Variants in RBFOX1 observed in about 807,000 individuals in gnomAD.
RBFOX1 encodes RNA binding protein fox-1 homolog 1.
RBFOX1 carries 8 observed loss-of-function variants against 57.7 expected under a neutral mutation model. That is an observed-to-expected ratio of 0.14 (90% CI 0.08 to 0.25). The LOEUF is 0.25. RBFOX1 is among the 10% of genes least tolerant of loss of function. The probability of loss-of-function intolerance (pLI) is 1.00; values close to 1 mark genes in which losing one functional copy is unlikely to be tolerated. For missense variants in RBFOX1, 611 were observed against 548.5 expected (o/e 1.11, Z -1.14); for synonymous variants, 326 against 222.4 (o/e 1.47, Z -4.15).
chr16:7,458,066 C>T (rs900548757), intron 4 of RBFOX1, among the ~76,000 whole-genome samples: 1 of 152,130 alleles, frequency 6.6e-6, no homozygotes, highest in South Asian at 2.1e-4. Context: ...GGACATACTT[C>T]CTGATTCACC....
chr16:6,408,212 C>G (rs2093350602), intron 2 of RBFOX1, among the ~76,000 whole-genome samples: 1 of 152,100 alleles, frequency 6.6e-6, no homozygotes, highest in Non-Finnish European at 1.5e-5. Flanking sequence ...TATCACAGCT[C>G]AGGCAGACAA....
intron 5 of RBFOX1, among the ~76,000 whole-genome samples, chr16:7,540,616 A>G (rs950765440): frequency 3.3e-5 from 5 of 152,184 alleles, no homozygotes; most frequent in African/African-American, 1.2e-4. Context: ...GGTTGTTGTC[A>G]TGGACATAAA....
intron 1 of RBFOX1, among the ~76,000 whole-genome samples, chr16:6,262,770 T>G (rs1368221110): frequency 3.3e-5 from 5 of 152,162 alleles, no homozygotes; most frequent in Admixed American, 2.0e-4. Flanking sequence ...TCATCTTTGA[T>G]TTTCCTTGCA....
intron 3 of RBFOX1, among the ~76,000 whole-genome samples, chr16:6,668,437 C>T (rs778591279): frequency 1.3e-5 from 2 of 152,188 alleles, no homozygotes; most frequent in African/African-American, 4.8e-5. Flanking sequence ...AAAGATGCTT[C>T]TGTTCTTAGG....
intron 3 of RBFOX1, among the ~76,000 whole-genome samples, chr16:6,979,251 G>T (rs189100526): frequency 6.6e-6 from 1 of 152,136 alleles, no homozygotes; most frequent in African/African-American, 2.4e-5. Flanking sequence ...GAAAAATACA[G>T]TTAAATAGTA....
chr16:6,190,338 G>A (rs1475959770), intron 1 of RBFOX1, among the ~76,000 whole-genome samples: 4 of 152,126 alleles, frequency 2.6e-5, no homozygotes, highest in Admixed American at 6.6e-5. Context: ...TCCTATAGAC[G>A]TTGTTCTGTA....
intron 4 of RBFOX1, among the ~76,000 whole-genome samples, chr16:7,402,736 T>A (rs907966117): frequency 6.6e-6 from 1 of 152,164 alleles, no homozygotes; most frequent in African/African-American, 2.4e-5. Flanking sequence ...AACGTGACTT[T>A]GAGAAGAAGG....
At chr16:6,187,707 C>T (rs1033977276) in intron 1 of RBFOX1, among the ~76,000 whole-genome samples, 6 of 152,026 alleles carry the variant, frequency 3.9e-5, no homozygotes, top group Admixed American at 2.0e-4. Context: ...AAAAATGCAC[C>T]TTACTTGGTA....
At chr16:6,503,688 A>G (rs1001491864) in intron 2 of RBFOX1, among the ~76,000 whole-genome samples, 15 of 152,170 alleles carry the variant, frequency 9.9e-5, no homozygotes, top group African/African-American at 3.1e-4. Context: ...ACTGAGGAGC[A>G]TCTTTCATCC....
intron 1 of RBFOX1, among the ~76,000 whole-genome samples, chr16:5,371,298 G>T (rs960429832): frequency 6.6e-6 from 1 of 152,186 alleles, no homozygotes; most frequent in Non-Finnish European, 1.5e-5. Flanking sequence ...CCCTTAAGAA[G>T]GGCCCTCATC....
chr16:6,901,164 C>G (rs1045509633), intron 3 of RBFOX1, among the ~76,000 whole-genome samples: 3 of 152,114 alleles, frequency 2.0e-5, no homozygotes, highest in African/African-American at 7.2e-5. Context: ...GTCTCCCATC[C>G]TAGTGTCTAA....
chr16:6,088,633 C>G (rs1449502623), intron 1 of RBFOX1, among the ~76,000 whole-genome samples: 5 of 152,050 alleles, frequency 3.3e-5, no homozygotes, highest in Non-Finnish European at 7.4e-5. Flanking sequence ...TGGTGGAATG[C>G]TTTCCTTCTG....
At chr16:7,192,718 A>G (rs1299368827) in intron 4 of RBFOX1, among the ~76,000 whole-genome samples, 1 of 152,222 alleles carries the variant, frequency 6.6e-6, no homozygotes, top group Non-Finnish European at 1.5e-5. Context: ...AAACATTAGG[A>G]GTGACTGGGT....
rs550900760 is a variant in RBFOX1 at position 6,317,044 on chromosome 16, G to T, written c.-77G>T. 2 of 1,535,058 alleles carry T rather than the reference G, an allele frequency of 1.3e-6. No homozygotes were observed. The highest frequency in any genetic ancestry group is 1.7e-6 in the Non-Finnish European group (2 of 1,146,248). On this transcript the variant is annotated 5_prime_UTR_variant, in exon 2 of 16. It introduces an in-frame stop codon into an upstream open reading frame of the 5' UTR. Coordinates refer to ENST00000550418, the MANE Select transcript of RBFOX1 (RefSeq NM_018723.4). ...AGTGGAACTTACAGCTTCCTTGATC[G>T]GACTCAGCATTCAGTAAGTGCAACC...
chr16:7,685,942 G>T (rs777203907), intron 14 of RBFOX1, among the ~76,000 whole-genome samples: 6 of 152,052 alleles, frequency 3.9e-5, no homozygotes, highest in Non-Finnish European at 7.4e-5. Flanking sequence ...CGTGGGTCCT[G>T]AATCTCTGTG....
rs548788162 is a variant in RBFOX1, at chr16:5,407,449, G to C, written c.220-59767G>C. Among the ~76,000 whole-genome samples, 4 of 152,266 alleles carry C rather than the reference G, an allele frequency of 2.6e-5. 1 individual carries two copies. The highest frequency in any genetic ancestry group is 9.6e-5 in the African/African-American group (4 of 41,552). On this transcript the variant is annotated intron_variant, in intron 1 of 2. Transcript: ENST00000585867. Reference sequence around the variant, plus strand: ...AGGCCCTGTGCTGGGAGGGAACTGGGGAGCTTGGAGGTGAGGAAGGCTTGT... The same window carrying C: ...AGGCCCTGTGCTGGGAGGGAACTGGCGAGCTTGGAGGTGAGGAAGGCTTGT...
chr16:7,607,681 G>A (rs1292404540), intron 10 of RBFOX1, among the ~76,000 whole-genome samples: 22 of 152,152 alleles, frequency 1.4e-4, no homozygotes, highest in Admixed American at 1.4e-3. Context: ...CTGAATGTGT[G>A]TTTTAGCCAT....
intron 4 of RBFOX1, among the ~76,000 whole-genome samples, chr16:7,338,590 A>T (rs577298285): frequency 7.2e-5 from 11 of 152,064 alleles, no homozygotes; most frequent in Admixed American, 7.2e-4. Context: ...ATGAGGTCTC[A>T]TTATGTTGGC....
At chr16:6,775,125 A>C (rs2079087205) in intron 3 of RBFOX1, among the ~76,000 whole-genome samples, 1 of 150,430 alleles carries the variant, frequency 6.6e-6, no homozygotes. Context: ...GGAGATCCAG[A>C]CCATCCTGGC....
Sources: allele counts gnomAD v4.1 joint callset (sites outside exome capture counted in the v4.1 genomes callset), GRCh38; gene constraint gnomAD v4.1.1; transcripts MANE v1.5; gene names NCBI Gene and HGNC (gene_info 2026-07-23, HGNC 2026-07-21).